ACOX3: variants seen among roughly 807,000 people sequenced by gnomAD.
ACOX3 encodes peroxisomal acyl-coenzyme A oxidase 3.
A neutral mutation model predicts 81.5 loss-of-function variants in ACOX3; 73 were observed. That is an observed-to-expected ratio of 0.90 (90% CI 0.74 to 1.09). ACOX3 has a LOEUF of 1.09. ACOX3 is among the 50% of genes least tolerant of loss of function. ACOX3 has a pLI of 0.00. For missense variants in ACOX3, 947 were observed against 928.0 expected, an observed-to-expected ratio of 1.02 and a Z score of -0.27; for synonymous variants, 387 against 375.1, an observed-to-expected ratio of 1.03 and a Z score of -0.37.
At chr4:8,438,200 T>A (rs182943154) in intron 1 of ACOX3, among the ~76,000 whole-genome samples, 3 of 152,344 alleles carry the variant, frequency 2.0e-5, no homozygotes, top group Non-Finnish European at 4.4e-5. Context: ...GACTAAAGTA[T>A]TGTTAAAAGA....
In ACOX3 at chr4:8,410,793, C is replaced by A. The variant is rs180763516; in HGVS notation, c.544-438G>T. ...CCTCTAATTCACAACACACTGCTGC[C>A]CCCTTGCTGTCTCTCCCATCCACAG... On this transcript the variant is annotated intron_variant, in intron 5 of 17. Coordinates refer to ENST00000356406, the MANE Select transcript of ACOX3 (RefSeq NM_003501.3). Among the ~76,000 whole-genome samples the A allele has an allele frequency of 4.6e-3, 701 of 152,308 alleles. 4 individuals carry two copies. Among genetic ancestry groups the A allele is most frequent in the African/African-American group, 0.016 (663 of 41,568 alleles).
At position 8,399,742 on chromosome 4, in the gene ACOX3, C is replaced by A. The variant is rs1720152674; in HGVS notation, c.777-90G>T. 1 of 1,171,936 alleles carries A rather than the reference C, an allele frequency of 8.5e-7. No homozygotes were observed. Among genetic ancestry groups the A allele is most frequent in the Non-Finnish European group, 1.2e-6 (1 of 800,578 alleles). 72.6% of individuals were successfully genotyped at this position (1,171,936 alleles called of 1,614,324 possible). On this transcript the variant is annotated intron_variant, in intron 7 of 17. Transcript: ENST00000356406. The surrounding 1 kb of genome is among the most constrained non-coding windows in gnomAD (Gnocchi z 4.9). ...AGGGCAGCCTAAAAGCTGATGCAAT[C>A]CCCGAGGACAAAGAAAATGGCAGAG... is the stretch of plus-strand genomic sequence containing the variant.
chr4:8,371,011 C>G lies in ACOX3; in HGVS notation c.1897-17G>C. 6.2e-7 allele frequency: 1 copy of G among 1,612,488 alleles called. No individual in the cohort carries two copies. The highest frequency in any genetic ancestry group is 8.5e-7 in the Non-Finnish European group (1 of 1,178,744). ...GTCTTTCAGCTGTTGGAAAACAAAG[C>G]CCAGACACTTGGCACCTCCCGGGAA... is the stretch of plus-strand genomic sequence containing the variant. On this transcript the variant is annotated splice_polypyrimidine_tract_variant and intron_variant, in intron 16 of 17. Transcript: ENST00000356406.
intron 8 of ACOX3, among the ~76,000 whole-genome samples, chr4:8,398,398 C>T (rs1269569622): frequency 6.6e-6 from 1 of 152,138 alleles, no homozygotes; most frequent in East Asian, 1.9e-4. Context: ...CCTCTTTGGT[C>T]CTCCAAGAGT....
At chr4:8,374,222 G>C (rs1372231330) in intron 15 of ACOX3, 1 of 155,336 alleles carries the variant, frequency 6.4e-6, no homozygotes, top group African/African-American at 2.4e-5. Flanking sequence ...ATTTCCGCTG[G>C]AGAGAACTGT....
chr4:8,393,204 G>A (rs1385241561), intron 10 of ACOX3: 3 of 151,868 alleles, frequency 2.0e-5, no homozygotes, highest in African/African-American at 7.3e-5. Flanking sequence ...TAAGAGGCTG[G>A]GCCAGGCACA....
chr4:8,375,615 C>G (rs1716867350), intron 14 of ACOX3, among the ~76,000 whole-genome samples: 1 of 152,206 alleles, frequency 6.6e-6, no homozygotes, highest in African/African-American at 2.4e-5. Context: ...CTTCACTTCT[C>G]CAAAGATCTG....
At chr4:8,421,025 T>C (rs1157233128) in intron 1 of ACOX3, among the ~76,000 whole-genome samples, 3 of 152,182 alleles carry the variant, frequency 2.0e-5, no homozygotes, top group African/African-American at 7.2e-5. Context: ...TTGGAATCCG[T>C]GAGGCCAAGA....
Position 8,393,551 on chromosome 4 carries a change from T to A in ACOX3, c.1179+1069A>T, listed in dbSNP as rs1005444695. Reference sequence around the variant, plus strand: ...AGACTGATTCAGAGTAAAAGAAGAATTTTTAATTTTAAAAAAGAAAGACAA... The same window carrying A: ...AGACTGATTCAGAGTAAAAGAAGAAATTTTAATTTTAAAAAAGAAAGACAA... On this transcript the variant is annotated intron_variant, in intron 10 of 17. Transcript: ENST00000356406. Among the ~76,000 whole-genome samples the A allele has an allele frequency of 1.3e-5, 2 of 148,156 alleles. 1 individual carries two copies. Among genetic ancestry groups the A allele is most frequent in the Admixed American group, 1.3e-4 (2 of 14,994 alleles).
In ACOX3 at chr4:8,394,957, G is replaced by C. The variant is rs1200970803; in HGVS notation, c.1057-215C>G. On this transcript the variant is annotated intron_variant, in intron 9 of 17. Transcript: ENST00000356406. The surrounding 1 kb of genome is among the most constrained non-coding windows in gnomAD (Gnocchi z 5.9). Reference sequence around the variant, plus strand: ...CGGCTTTCACCCATAGCCCTTGACAGACAAGCTCAAACGCAATTCGCTAAA... The same window carrying C: ...CGGCTTTCACCCATAGCCCTTGACACACAAGCTCAAACGCAATTCGCTAAA... The C allele has an allele frequency of 3.8e-6, 2 of 519,726 alleles. No homozygotes were observed. Among genetic ancestry groups the C allele is most frequent in the Non-Finnish European group, 6.6e-6 (2 of 304,768 alleles). 32.2% of individuals were successfully genotyped at this position (519,726 alleles called of 1,614,324 possible). A position where few individuals can be genotyped will look rare whatever the true frequency, so the allele number is the denominator to read the frequency against.
In ACOX3 at chr4:8,384,937, G is replaced by T. The variant is rs1455249768; in HGVS notation, c.1538-3330C>A. 1.3e-5 allele frequency among the ~76,000 whole-genome samples: 2 copies of T among 152,104 alleles called. No individual in the cohort carries two copies. The highest frequency in any genetic ancestry group is 1.3e-4 in the Admixed American group (2 of 15,278). On this transcript the variant is annotated intron_variant, in intron 13 of 17. Coordinates refer to ENST00000356406, the MANE Select transcript of ACOX3 (RefSeq NM_003501.3). The surrounding 1 kb of genome is among the most constrained non-coding windows in gnomAD (Gnocchi z 5.3). The stretch of plus-strand genomic sequence containing the variant: ...AGACACCCTCAGGTGCCAGTTTTGT[G>T]GGAGACATTCCCTGACCCACCAAGG...
At position 8,416,481 on chromosome 4, in the gene ACOX3, G is replaced by A. The variant is rs1225783260; in HGVS notation, c.41C>T (p.Pro14Leu). 1 of 1,613,916 alleles carries A rather than the reference G, an allele frequency of 6.2e-7. No individual in the cohort carries two copies. Among genetic ancestry groups the A allele is most frequent in the Admixed American group, 1.7e-5 (1 of 60,012 alleles). Residue 14 changes from proline (P) to leucine (L), a missense_variant, in exon 2 of 18, where the codon CCA becomes CTA. Coordinates refer to ENST00000356406, the MANE Select transcript of ACOX3 (RefSeq NM_003501.3). This position sits in a 1 kb window ranked among gnomAD's most constrained non-coding sequence, Gnocchi z 4.2. ...TVEGGDTALL[P>L]EFPRGPLDAY... ...ATCGAGGGGCCCCCTGGGGAATTCT[G>A]GGAGCAGAGCTGTGTCGCCTCCTTC...
At chr4:8,409,029 C>T (rs1721386017) in intron 6 of ACOX3, among the ~76,000 whole-genome samples, 1 of 151,776 alleles carries the variant, frequency 6.6e-6, no homozygotes. Context: ...AACCCACACA[C>T]ATCTAATGTC....
chr4:8,373,677 AC>A, intron 15 of ACOX3, 49 bp from the exon 16 acceptor site: 1 of 1,547,342 alleles, frequency 6.5e-7, no homozygotes. Flanking sequence ...GTCCAAAACC[AC>A]CCCCAATACC....
chr4:8,371,062 G>T, intron 16 of ACOX3, 68 bp from the exon 17 acceptor site: 1 of 1,484,474 alleles, frequency 6.7e-7, no homozygotes, highest in Non-Finnish European at 9.3e-7. Context: ...AAGCATAACA[G>T]CCCCGTGTGT....
At chr4:8,428,887 C>T (rs1419745543) in intron 1 of ACOX3, among the ~76,000 whole-genome samples, 1 of 152,282 alleles carries the variant, frequency 6.6e-6, no homozygotes, top group Non-Finnish European at 1.5e-5. Flanking sequence ...CCAGCCTGGG[C>T]AACATAGTAA....
chr4:8,378,342 C>A (rs1280940108), intron 14 of ACOX3, among the ~76,000 whole-genome samples: 1 of 152,182 alleles, frequency 6.6e-6, no homozygotes. Context: ...TCCTTCACTC[C>A]CAAAGTAGAC....
chr4:8,413,941 C>G (rs537037972), intron 5 of ACOX3, among the ~76,000 whole-genome samples: 2 of 152,242 alleles, frequency 1.3e-5, no homozygotes, highest in Non-Finnish European at 2.9e-5. Flanking sequence ...ACCGTAGAAA[C>G]CACGGGCCAT....
rs1344658816 is a variant in ACOX3, at chr4:8,370,394, G to C, written c.1983+514C>G. Among the ~76,000 whole-genome samples the C allele has an allele frequency of 6.6e-6, 1 of 152,124 alleles. No individual in the cohort carries two copies. The highest frequency in any genetic ancestry group is 1.5e-5 in the Non-Finnish European group (1 of 68,006). On this transcript the variant is annotated intron_variant, in intron 17 of 17. Transcript: ENST00000356406. This position sits in a 1 kb window ranked among gnomAD's most constrained non-coding sequence, Gnocchi z 6.3. ...TATGAAGGAATCATTATGGAACATG[G>C]GGGGCAGGAGGAGAGCTGAGGAGCC...
Sources: gnomAD v4.1 joint callset for allele counts (sites outside exome capture counted in the v4.1 genomes callset) on GRCh38, gnomAD v4.1.1 for gene constraint, Gnocchi (gnomAD v3.1) non-coding constraint, MANE v1.5 for transcripts, NCBI Gene and HGNC (gene_info 2026-07-23, HGNC 2026-07-21) for gene names.